Variants in NRG1 observed in about 807,000 individuals in gnomAD.
NRG1 encodes the protein neuregulin 1.
A neutral mutation model predicts 63.8 loss-of-function variants in NRG1; 18 were observed. The observed-to-expected ratio is 0.28, with a 90% CI of 0.19 to 0.42. NRG1 has a LOEUF of 0.42. Among genes scored for constraint, NRG1 ranks in the 10% least tolerant of loss-of-function variants. The pLI is 1.00. For missense variants in NRG1, 762 were observed against 814.7 expected, an observed-to-expected ratio of 0.94 and a Z score of 0.79; for synonymous variants, 302 against 301.3, an observed-to-expected ratio of 1.00 and a Z score of -0.02.
chr8:31,910,035 T>C (rs1225434395), intron 1 of NRG1, among the ~76,000 whole-genome samples: 1 of 152,206 alleles, frequency 6.6e-6, no homozygotes, highest in East Asian at 1.9e-4. Context: ...TAATTGCAGA[T>C]TGTGATAACT....
chr8:32,580,959 G>A (rs1425270823), intron 1 of NRG1, among the ~76,000 whole-genome samples: 1 of 152,140 alleles, frequency 6.6e-6, no homozygotes, highest in Non-Finnish European at 1.5e-5. Context: ...TGGAATTTAA[G>A]TGGAAAGGAT....
At chr8:32,068,892 C>G (rs753375685) in intron 1 of NRG1, among the ~76,000 whole-genome samples, 2 of 152,198 alleles carry the variant, frequency 1.3e-5, no homozygotes, top group Non-Finnish European at 2.9e-5. Flanking sequence ...GTTCATTACT[C>G]TGAGCTGGGA....
intron 1 of NRG1, among the ~76,000 whole-genome samples, chr8:31,731,664 T>C (rs1311922092): frequency 6.6e-6 from 1 of 152,154 alleles, no homozygotes; most frequent in South Asian, 2.1e-4. Flanking sequence ...AGTTAATATA[T>C]ATGTACTAAA....
chr8:32,707,910 T>G (rs1381227815), intron 5 of NRG1, among the ~76,000 whole-genome samples: 11 of 142,408 alleles, frequency 7.7e-5, no homozygotes, highest in Non-Finnish European at 1.5e-4. Flanking sequence ...CTCCCTGGCC[T>G]CATACCCCCA....
chr8:32,061,710 T>G (rs1586819393), intron 1 of NRG1: 1 of 152,108 alleles, frequency 6.6e-6, no homozygotes, highest in Non-Finnish European at 1.5e-5. Flanking sequence ...AGTGTTTTGG[T>G]TTTGGTGAAT....
intron 1 of NRG1, among the ~76,000 whole-genome samples, chr8:32,328,899 A>G (rs2129477421): frequency 6.6e-6 from 1 of 151,168 alleles, no homozygotes. Context: ...ACATAAGGCC[A>G]GTGCATGACT....
At chr8:31,827,029 G>A (rs1452840652) in intron 1 of NRG1, among the ~76,000 whole-genome samples, 3 of 152,116 alleles carry the variant, frequency 2.0e-5, no homozygotes, top group Non-Finnish European at 2.9e-5. Flanking sequence ...GAAAAACTGA[G>A]CTTTAAGGGC....
At chr8:31,921,873 T>C (rs1355538276) in intron 1 of NRG1, among the ~76,000 whole-genome samples, 3 of 152,168 alleles carry the variant, frequency 2.0e-5, no homozygotes, top group Non-Finnish European at 4.4e-5. Flanking sequence ...AAGTGGTACA[T>C]AATATGCATG....
chr8:32,280,755 C>CTTTTTTT (rs1563265275), intron 1 of NRG1, among the ~76,000 whole-genome samples: 1 of 18,406 alleles, frequency 5.4e-5, no homozygotes, highest in East Asian at 2.6e-3. Flanking sequence ...TTTGTCCTTT[C>CTTTTTTT]ATTTTTTTTT....
At chr8:32,733,881 T>A (rs1012238666) in intron 6 of NRG1, among the ~76,000 whole-genome samples, 1 of 152,214 alleles carries the variant, frequency 6.6e-6, no homozygotes, top group South Asian at 2.1e-4. Flanking sequence ...GAGTCTTTCC[T>A]TTATACCAGG....
intron 1 of NRG1, among the ~76,000 whole-genome samples, chr8:31,867,287 C>G (rs1032314671): frequency 6.6e-6 from 1 of 152,164 alleles, no homozygotes; most frequent in Non-Finnish European, 1.5e-5. Context: ...GGAAAGGTGA[C>G]AGAAATGTGT....
intron 1 of NRG1, among the ~76,000 whole-genome samples, chr8:32,267,835 T>C (rs1012660999): frequency 2.0e-5 from 3 of 152,210 alleles, no homozygotes; most frequent in African/African-American, 4.8e-5. Flanking sequence ...CCATCGTGCA[T>C]TTTCCCATGG....
intron 1 of NRG1, among the ~76,000 whole-genome samples, chr8:32,422,638 A>G (rs937114427): frequency 2.0e-5 from 3 of 152,222 alleles, no homozygotes; most frequent in African/African-American, 4.8e-5. Flanking sequence ...TTGCCAACCC[A>G]AAGGGTCATA....
chr8:32,721,122 A>G (rs1405117273), intron 5 of NRG1, among the ~76,000 whole-genome samples: 2 of 152,214 alleles, frequency 1.3e-5, no homozygotes, highest in Non-Finnish European at 2.9e-5. Flanking sequence ...TAATTCACTT[A>G]TGTGACCTTG....
chr8:32,011,516 G>C (rs917593372), intron 1 of NRG1, among the ~76,000 whole-genome samples: 19 of 152,066 alleles, frequency 1.2e-4, no homozygotes, highest in African/African-American at 4.6e-4. Flanking sequence ...ACTTTAATCC[G>C]CTCTTTTCTG....
At chr8:32,375,060 G>A (rs1395183511) in intron 1 of NRG1, among the ~76,000 whole-genome samples, 1 of 152,144 alleles carries the variant, frequency 6.6e-6, no homozygotes, top group Non-Finnish European at 1.5e-5. Flanking sequence ...TTGGATCACT[G>A]CAACCTCCAC....
chr8:32,626,926 C>T (rs6983748), intron 5 of NRG1, among the ~76,000 whole-genome samples: 18,000 of 151,822 alleles, frequency 0.12, 2,142 homozygotes, highest in East Asian at 0.51. Flanking sequence ...GAGGCTGAGG[C>T]AGGAGAATTG....
chr8:32,543,122 A>G (rs1832730106), intron 1 of NRG1, among the ~76,000 whole-genome samples: 1 of 152,210 alleles, frequency 6.6e-6, no homozygotes. Context: ...AGGAATTCTA[A>G]TGGATAGAAA....
At chr8:31,936,379 A>G (rs1396923842) in intron 1 of NRG1, among the ~76,000 whole-genome samples, 1 of 152,226 alleles carries the variant, frequency 6.6e-6, no homozygotes, top group Admixed American at 6.5e-5. Context: ...AGTGCTATAC[A>G]TAATCAGATA....
Sources: allele counts gnomAD v4.1 joint callset (sites outside exome capture counted in the v4.1 genomes callset), GRCh38; gene constraint gnomAD v4.1.1; transcripts MANE v1.5; gene names NCBI Gene and HGNC (gene_info 2026-07-23, HGNC 2026-07-21).